Variants in IGFL4 observed in about 807,000 individuals in gnomAD.
IGFL4 encodes the protein insulin growth factor-like family member 4.
A neutral mutation model predicts 15.4 loss-of-function variants in IGFL4; 12 were observed. The observed-to-expected ratio is 0.78, with a 90% CI of 0.50 to 1.26. The LOEUF is 1.26. Ranked by LOEUF, IGFL4 falls within the 50% of genes most tolerant of loss-of-function variation. IGFL4 has a pLI of 0.00. For missense variants in IGFL4, 126 were observed against 147.8 expected (o/e 0.85, Z 0.76); for synonymous variants, 54 against 55.9 (o/e 0.97, Z 0.16).
chr19:46,047,101 T>C (rs1345765280), intron 2 of IGFL4, among the ~76,000 whole-genome samples: 1 of 152,150 alleles, frequency 6.6e-6, no homozygotes, highest in Admixed American at 6.5e-5. Flanking sequence ...AAAAATTCAC[T>C]CAAAACCACA....
chr19:46,072,457 G>GTCA (rs1347524565), intron 1 of IGFL4, among the ~76,000 whole-genome samples: 7 of 152,184 alleles, frequency 4.6e-5, no homozygotes, highest in Non-Finnish European at 1.0e-4. Context: ...TAGCAGAGAG[G>GTCA]TAAGTCTTAA....
At chr19:46,045,778 T>C (rs10404866), upstream of IGFL4, among the ~76,000 whole-genome samples, 3,667 of 152,098 alleles carry the variant, frequency 0.024, 167 homozygotes, top group African/African-American at 0.084. Context: ...AGAGACAGAA[T>C]CTATGACTGA....
intron 1 of IGFL4, among the ~76,000 whole-genome samples, chr19:46,064,184 G>C (rs1286571623): frequency 2.0e-5 from 3 of 150,494 alleles, no homozygotes; most frequent in African/African-American, 4.9e-5. Context: ...ATATTTGTGG[G>C]TACATAGTAG....
chr19:46,059,605 A>G (rs1969425997), intron 2 of IGFL4: 2 of 152,300 alleles, frequency 1.3e-5, no homozygotes, highest in South Asian at 2.1e-4. Context: ...TGAGATTAGA[A>G]TCTAATAACA....
chr19:46,042,906 C>G (rs1331156539), upstream of IGFL4, among the ~76,000 whole-genome samples: 2 of 152,184 alleles, frequency 1.3e-5, no homozygotes, highest in African/African-American at 4.8e-5. Context: ...TAGCAGCTTC[C>G]CACAAGCCTC....
Position 46,048,559 on chromosome 19 carries a change from A to G in IGFL4, c.-322-7449T>C, listed in dbSNP as rs138558824. On this transcript the variant is annotated intron_variant, in intron 2 of 5. Transcript: ENST00000601672. ...CAAAAGCTTCTTAAGGTGATAAGCA[A>G]CTTCAGCAGTCTCAGGATACCAAAT... Among the ~76,000 whole-genome samples the G allele has an allele frequency of 1.5e-4, 23 of 152,330 alleles. No homozygotes were observed. The East Asian group carries it at 4.2e-3, about 28-fold the overall frequency.
At chr19:46,064,369 CTGCTA>C (rs1214949887) in intron 1 of IGFL4, among the ~76,000 whole-genome samples, 1 of 152,108 alleles carries the variant, frequency 6.6e-6, no homozygotes, top group Non-Finnish European at 1.5e-5. Flanking sequence ...TATAGTCACT[CTGCTA>C]TGCTATCAAA....
chr19:46,064,432 C>T (rs543139501), intron 1 of IGFL4, among the ~76,000 whole-genome samples: 1 of 152,126 alleles, frequency 6.6e-6, no homozygotes, highest in East Asian at 1.9e-4. Context: ...TTAACCATCC[C>T]TCCTACCCTC....
intron 2 of IGFL4, among the ~76,000 whole-genome samples, chr19:46,048,477 A>G (rs1969317252): frequency 6.6e-6 from 1 of 152,176 alleles, no homozygotes; most frequent in East Asian, 1.9e-4. Flanking sequence ...AGGAAGTCAA[A>G]TTATCTTGTT....
chr19:46,066,730 C>T (rs1352568757), intron 1 of IGFL4, among the ~76,000 whole-genome samples: 9 of 152,106 alleles, frequency 5.9e-5, no homozygotes, highest in Admixed American at 5.9e-4. Context: ...CTTGCAAGAA[C>T]CCACTATTGT....
At chr19:46,075,970 T>C (rs1969591568) in intron 1 of IGFL4, among the ~76,000 whole-genome samples, 1 of 152,210 alleles carries the variant, frequency 6.6e-6, no homozygotes, top group South Asian at 2.1e-4. Context: ...TTAGACTGGG[T>C]AATTTATAAA....
In IGFL4 at chr19:46,040,422, A is replaced by C; in HGVS notation, c.71-6T>G. ...GCATAGCCACAGTCTAAGATCTGGA[A>C]GAGTCGGGGCTGGATGGGCTGCAAG... On this transcript the variant is annotated splice_region_variant and splice_polypyrimidine_tract_variant and intron_variant, in intron 2 of 3. Transcript: ENST00000377697. The surrounding 1 kb of genome is among the most constrained non-coding windows in gnomAD (Gnocchi z 4.1). 6.2e-7 allele frequency: 1 copy of C among 1,613,946 alleles called. No homozygotes were observed. The highest frequency in any genetic ancestry group is 8.5e-7 in the Non-Finnish European group (1 of 1,179,810).
At chr19:46,070,346 T>C (rs565098135) in intron 1 of IGFL4, among the ~76,000 whole-genome samples, 2 of 152,298 alleles carry the variant, frequency 1.3e-5, no homozygotes, top group South Asian at 4.1e-4. Context: ...TTCGGAATCA[T>C]AGGGGAACAT....
rs1969211773 is a variant in IGFL4, at chr19:46,039,311, G to A, written c.*581C>T. ...TTACTGTAGCCTTATAGTATAGTTT[G>A]AAGTCAGGTAGTGTGATGCCTCCAG... On this transcript the variant is annotated 3_prime_UTR_variant, in exon 4 of 4. Coordinates refer to ENST00000377697, the MANE Select transcript of IGFL4 (RefSeq NM_001002923.3). Among the ~76,000 whole-genome samples the A allele has an allele frequency of 6.9e-6, 1 of 145,666 alleles. No homozygotes were observed. Among genetic ancestry groups the A allele is most frequent in the Non-Finnish European group, 1.5e-5 (1 of 66,104 alleles).
chr19:46,065,697 C>G (rs1333068764), intron 1 of IGFL4, among the ~76,000 whole-genome samples: 1 of 152,212 alleles, frequency 6.6e-6, no homozygotes, highest in Admixed American at 6.5e-5. Flanking sequence ...GAGTCAGATT[C>G]CAATCCGGGC....
intron 1 of IGFL4, among the ~76,000 whole-genome samples, chr19:46,063,335 G>GCACACA (rs5828265): frequency 3.8e-3 from 566 of 147,186 alleles, no homozygotes; most frequent in South Asian, 0.012. Flanking sequence ...ACACACGCAT[G>GCACACA]CACACACACA....
intron 2 of IGFL4, chr19:46,057,947 A>G (rs1165813397): frequency 6.6e-6 from 1 of 152,140 alleles, no homozygotes; most frequent in Non-Finnish European, 1.5e-5. Context: ...GGGAGCTACA[A>G]TTCAAGATGA....
At chr19:46,065,847 G>C (rs1476372965) in intron 1 of IGFL4, among the ~76,000 whole-genome samples, 1 of 152,150 alleles carries the variant, frequency 6.6e-6, no homozygotes, top group Non-Finnish European at 1.5e-5. Flanking sequence ...CTCTCTAGAG[G>C]GTAAAATGTG....
intron 1 of IGFL4, among the ~76,000 whole-genome samples, chr19:46,062,565 C>T (rs369118102): frequency 7.2e-5 from 11 of 152,300 alleles, no homozygotes; most frequent in East Asian, 5.8e-4. Context: ...AAAGTACTGC[C>T]ACATCGTTAC....
Sources: allele counts gnomAD v4.1 joint callset (sites outside exome capture counted in the v4.1 genomes callset), GRCh38; gene constraint gnomAD v4.1.1; non-coding constraint Gnocchi (gnomAD v3.1); transcripts MANE v1.5; gene names NCBI Gene and HGNC (gene_info 2026-07-23, HGNC 2026-07-21).